KCNAB1: variants seen among roughly 807,000 people sequenced by gnomAD.
The protein encoded by KCNAB1 is voltage-gated potassium channel subunit beta-1.
A neutral mutation model predicts 64.6 loss-of-function variants in KCNAB1; 35 were observed. The ratio of observed to expected loss-of-function variants is 0.54; its 90% CI spans 0.41 to 0.72. KCNAB1 has a LOEUF of 0.72. Ranked by LOEUF, KCNAB1 falls within the 30% of genes least tolerant of loss-of-function variation. The pLI is 0.00. For missense variants in KCNAB1, 401 were observed against 512.9 expected (o/e 0.78, Z 2.11); for synonymous variants, 177 against 183.8 (o/e 0.96, Z 0.30).
intron 2 of KCNAB1, among the ~76,000 whole-genome samples, chr3:156,443,052 C>T (rs1717118894): frequency 6.6e-6 from 1 of 152,118 alleles, no homozygotes; most frequent in South Asian, 2.1e-4. Context: ...TAAAAAATTT[C>T]ATTTTTAGTT....
At chr3:156,159,725 T>G (rs761971541) in intron 1 of KCNAB1, among the ~76,000 whole-genome samples, 4 of 152,212 alleles carry the variant, frequency 2.6e-5, no homozygotes, top group Non-Finnish European at 4.4e-5. Context: ...TTTCTGAGGC[T>G]TGAAGAAGTT....
chr3:156,373,134 A>T (rs1726425625), intron 1 of KCNAB1, among the ~76,000 whole-genome samples: 1 of 152,272 alleles, frequency 6.6e-6, no homozygotes, highest in Admixed American at 6.5e-5. Context: ...AAACACAGGC[A>T]GCTCTGAGCT....
At chr3:156,306,735 C>T (rs888774179) in intron 1 of KCNAB1, among the ~76,000 whole-genome samples, 3 of 152,224 alleles carry the variant, frequency 2.0e-5, no homozygotes, top group Admixed American at 6.5e-5. Flanking sequence ...GGCCCTGTGA[C>T]AGTGGAGAGA....
At chr3:156,160,001 T>C (rs1715980915) in intron 1 of KCNAB1, among the ~76,000 whole-genome samples, 1 of 152,200 alleles carries the variant, frequency 6.6e-6, no homozygotes. Context: ...ATACATATAA[T>C]ACTGCTTTTA....
At chr3:156,315,468 ACC>A (rs1360027332) in intron 1 of KCNAB1, among the ~76,000 whole-genome samples, 1 of 152,140 alleles carries the variant, frequency 6.6e-6, no homozygotes, top group Middle Eastern at 3.2e-3. Context: ...ATTCCTCATG[ACC>A]TGAGGCTTTA....
chr3:156,272,128 C>A (rs1463081159), intron 1 of KCNAB1, among the ~76,000 whole-genome samples: 1 of 152,360 alleles, frequency 6.6e-6, no homozygotes, highest in Admixed American at 6.5e-5. Context: ...TGGCTACCAC[C>A]ACTGGGATTG....
At chr3:156,268,617 G>T (rs1264505380) in intron 1 of KCNAB1, among the ~76,000 whole-genome samples, 1 of 152,060 alleles carries the variant, frequency 6.6e-6, no homozygotes, top group African/African-American at 2.4e-5. Context: ...TTTCTCTGAT[G>T]ATCAATGATG....
At chr3:156,422,830 T>C (rs1382441935) in intron 2 of KCNAB1, among the ~76,000 whole-genome samples, 1 of 151,130 alleles carries the variant, frequency 6.6e-6, no homozygotes. Flanking sequence ...CATTAAGAAA[T>C]CGAGAAAGTG....
chr3:156,349,993 A>G lies in KCNAB1; in HGVS notation c.276-71623A>G, dbSNP rs973271231. Among the ~76,000 whole-genome samples, 52 of 152,306 alleles carry G rather than the reference A, an allele frequency of 3.4e-4. 1 individual carries two copies. Among genetic ancestry groups the G allele is most frequent in the African/African-American group, 1.2e-3 (49 of 41,562 alleles). ...CTGGATTTTCTTCTTAACCTAGGACAGATCTTTTCAAATTTTGTTCATCTT... is the reference window on the plus strand; with the variant it reads ...CTGGATTTTCTTCTTAACCTAGGACGGATCTTTTCAAATTTTGTTCATCTT... On this transcript the variant is annotated intron_variant, in intron 1 of 13. Transcript: ENST00000490337.
chr3:156,329,145 T>C (rs748205257), intron 1 of KCNAB1, among the ~76,000 whole-genome samples: 18 of 152,166 alleles, frequency 1.2e-4, no homozygotes, highest in Non-Finnish European at 2.4e-4. Flanking sequence ...GTGAGTGGAA[T>C]TGAAGACCAA....
chr3:156,135,974 G>A (rs1266865005), intron 1 of KCNAB1, among the ~76,000 whole-genome samples: 1 of 152,224 alleles, frequency 6.6e-6, no homozygotes, highest in Non-Finnish European at 1.5e-5. Context: ...TTTAGCAAGG[G>A]AGAAAGTCAT....
intron 1 of KCNAB1, among the ~76,000 whole-genome samples, chr3:156,152,683 T>A (rs1405035981): frequency 6.6e-6 from 1 of 152,202 alleles, no homozygotes; most frequent in Non-Finnish European, 1.5e-5. Flanking sequence ...GTATCCAAGC[T>A]CTCCGTTTAG....
At chr3:156,516,466 G>A in intron 11 of KCNAB1, 102 bp downstream of exon 11, 1 of 864,068 alleles carries the variant, frequency 1.2e-6, no homozygotes, top group Non-Finnish European at 1.9e-6. Flanking sequence ...AGCTCAGGCT[G>A]ACTGTGTTGT....
At chr3:156,476,860 G>A (rs936805501) in intron 8 of KCNAB1, among the ~76,000 whole-genome samples, 2 of 152,030 alleles carry the variant, frequency 1.3e-5, no homozygotes, top group African/African-American at 4.8e-5. Context: ...CATTTAGTGG[G>A]GTCTATGAAA....
At chr3:156,462,230 C>T (rs1478528909) in intron 5 of KCNAB1, among the ~76,000 whole-genome samples, 2 of 152,232 alleles carry the variant, frequency 1.3e-5, no homozygotes, top group African/African-American at 4.8e-5. Flanking sequence ...GCTCTTTGAA[C>T]ATATAGTTAA....
At chr3:156,125,473 G>A (rs1231181224) in intron 1 of KCNAB1, among the ~76,000 whole-genome samples, 1 of 152,212 alleles carries the variant, frequency 6.6e-6, no homozygotes, top group Non-Finnish European at 1.5e-5. Context: ...AATACAATGA[G>A]CTTTTACATA....
intron 8 of KCNAB1, among the ~76,000 whole-genome samples, chr3:156,498,576 C>A (rs1608303): frequency 0.068 from 10,410 of 152,248 alleles, 1,060 homozygotes; most frequent in African/African-American, 0.23. Context: ...ATCCAGTAAA[C>A]CTCTTTCTTT....
At chr3:156,510,804 C>T (rs750448832) in intron 8 of KCNAB1, among the ~76,000 whole-genome samples, 7 of 152,204 alleles carry the variant, frequency 4.6e-5, no homozygotes, top group Non-Finnish European at 7.3e-5. Flanking sequence ...ATGGCTCCCT[C>T]TTGAAGTGCC....
At chr3:156,158,654 A>G (rs1469903701) in intron 1 of KCNAB1, among the ~76,000 whole-genome samples, 2 of 152,198 alleles carry the variant, frequency 1.3e-5, no homozygotes. Flanking sequence ...GATGCAAACA[A>G]TGTGTACAGG....
Sources: gnomAD v4.1 joint callset for allele counts (sites outside exome capture counted in the v4.1 genomes callset) on GRCh38, gnomAD v4.1.1 for gene constraint, MANE v1.5 for transcripts, NCBI Gene and HGNC (gene_info 2026-07-23, HGNC 2026-07-21) for gene names.